DYM: variants seen among roughly 807,000 people sequenced by gnomAD.
DYM encodes the protein dymeclin.
A neutral mutation model predicts 93.1 loss-of-function variants in DYM; 78 were observed. The observed-to-expected ratio is 0.84, with a 90% CI of 0.70 to 1.01. The LOEUF is 1.01. DYM is among the 50% of genes least tolerant of loss of function. The probability of loss-of-function intolerance (pLI) is 0.00; values close to 1 mark genes in which losing one functional copy is unlikely to be tolerated. For synonymous variants in DYM, 321 were observed against 319.7 expected (o/e 1.00, Z -0.04); for missense variants, 789 against 845.0 (o/e 0.93, Z 0.82).
chr18:49,102,684 C>A (rs899828361), intron 16 of DYM, among the ~76,000 whole-genome samples: 2 of 152,034 alleles, frequency 1.3e-5, no homozygotes, highest in African/African-American at 2.4e-5. Context: ...TTTGTCCTTG[C>A]GATAGTTTGC....
At chr18:49,266,228 T>A (rs1378141230) in intron 11 of DYM, among the ~76,000 whole-genome samples, 1 of 152,204 alleles carries the variant, frequency 6.6e-6, no homozygotes, top group Non-Finnish European at 1.5e-5. Flanking sequence ...TCTCTACAGC[T>A]GCAACATGGA....
At chr18:49,084,824 A>G (rs1290554899) in intron 17 of DYM, among the ~76,000 whole-genome samples, 1 of 152,182 alleles carries the variant, frequency 6.6e-6, no homozygotes, top group Non-Finnish European at 1.5e-5. Flanking sequence ...TTCATTTATG[A>G]AAAGGTCAGA....
At chr18:49,098,864 CAT>C (rs1296139333) in intron 16 of DYM, among the ~76,000 whole-genome samples, 1 of 152,148 alleles carries the variant, frequency 6.6e-6, no homozygotes, top group African/African-American at 2.4e-5. Context: ...GATAGCAAAA[CAT>C]ATTGTAATAG....
At chr18:49,093,636 T>C (rs1428641322) in intron 17 of DYM, among the ~76,000 whole-genome samples, 1 of 152,140 alleles carries the variant, frequency 6.6e-6, no homozygotes, top group African/African-American at 2.4e-5. Flanking sequence ...TATTCATATT[T>C]CCACAGGTAG....
intron 4 of DYM, 126 bp downstream of exon 4, chr18:49,379,539 C>T: frequency 1.9e-5 from 16 of 843,060 alleles, no homozygotes; most frequent in Admixed American, 1.7e-4. Flanking sequence ...ACCTTTTTTT[C>T]TTAATAATGA....
intron 17 of DYM, among the ~76,000 whole-genome samples, chr18:49,056,039 T>C (rs2075445594): frequency 6.6e-6 from 1 of 152,220 alleles, no homozygotes; most frequent in East Asian, 1.9e-4. Flanking sequence ...TGAGCCTGGC[T>C]AGGGGAAGTG....
intron 8 of DYM, among the ~76,000 whole-genome samples, chr18:49,293,864 G>C (rs1260068214): frequency 6.6e-6 from 1 of 152,122 alleles, no homozygotes; most frequent in Non-Finnish European, 1.5e-5. Flanking sequence ...CATTGCTTTT[G>C]ATGTTTTAGT....
intron 8 of DYM, among the ~76,000 whole-genome samples, chr18:49,291,345 T>C (rs2060099945): frequency 6.6e-6 from 1 of 152,236 alleles, no homozygotes; most frequent in Non-Finnish European, 1.5e-5. Flanking sequence ...TTGTACTTTT[T>C]ACTGAACACA....
chr18:49,386,142 C>T (rs1009750445), intron 3 of DYM, among the ~76,000 whole-genome samples: 2 of 151,730 alleles, frequency 1.3e-5, no homozygotes, highest in Admixed American at 6.6e-5. Context: ...AAAGAGAGCA[C>T]CTTACAAGCA....
rs139251136 is a variant in DYM at position 49,308,587 on chromosome 18, G to C, written c.764-21971C>G. Among the ~76,000 whole-genome samples, 57 of 152,252 alleles carry C rather than the reference G, an allele frequency of 3.7e-4. No individual in the cohort carries two copies. In the East Asian group the frequency reaches 9.7e-3, roughly 26 times the overall value. ...CCACATTATCAGCTATTTCATGTCT[G>C]TTGCTTTCATTTCCACCCCTCCCAT... is the stretch of plus-strand genomic sequence containing the variant. On this transcript the variant is annotated intron_variant, in intron 8 of 17. Transcript: ENST00000675505.
rs542382606 is a variant in DYM at position 49,279,805 on chromosome 18, A to T, written c.1125+2192T>A. Among the ~76,000 whole-genome samples the T allele has an allele frequency of 3.3e-5, 5 of 152,240 alleles. No individual in the cohort carries two copies. In the East Asian group the frequency reaches 9.6e-4, roughly 29 times the overall value. ...TATAAGCAGCATACTTTCATACTCA[A>T]TTTGCTATTTAAGCAGTGTTTCCCA... On this transcript the variant is annotated intron_variant, in intron 10 of 17. Coordinates refer to ENST00000675505, the MANE Select transcript of DYM (RefSeq NM_001353214.3).
At chr18:49,237,908 T>A (rs2093920345) in intron 13 of DYM, among the ~76,000 whole-genome samples, 1 of 152,114 alleles carries the variant, frequency 6.6e-6, no homozygotes, top group Admixed American at 6.5e-5. Flanking sequence ...TTACTCTTTT[T>A]TTTTTTTTAC....
intron 6 of DYM, among the ~76,000 whole-genome samples, chr18:49,361,619 T>TC (rs1447453094): frequency 6.6e-6 from 1 of 152,232 alleles, no homozygotes; most frequent in East Asian, 1.9e-4. Context: ...AAACAGATAT[T>TC]CAGTGTGTCT....
intron 5 of DYM, among the ~76,000 whole-genome samples, chr18:49,372,835 A>G (rs1599745124): frequency 7.0e-6 from 1 of 141,976 alleles, no homozygotes; most frequent in East Asian, 1.9e-4. Flanking sequence ...TTAAAAAAAA[A>G]GAAAGAAAAG....
chr18:49,405,740 C>G (rs1311286786), intron 2 of DYM, among the ~76,000 whole-genome samples: 1 of 151,932 alleles, frequency 6.6e-6, no homozygotes, highest in African/African-American at 2.4e-5. Flanking sequence ...TATTTTTGAA[C>G]AGTTTTTTCT....
intron 17 of DYM, among the ~76,000 whole-genome samples, chr18:49,084,288 T>C (rs1385560230): frequency 1.3e-5 from 2 of 152,226 alleles, no homozygotes; most frequent in Non-Finnish European, 2.9e-5. Flanking sequence ...TTCTTTTGTT[T>C]ATTTCTAATT....
At chr18:49,363,341 T>C (rs2066210853) in intron 5 of DYM, 108 bp from the exon 6 acceptor site, 2 of 802,472 alleles carry the variant, frequency 2.5e-6, no homozygotes, top group African/African-American at 1.7e-5. Context: ...GTTATCATTA[T>C]ATAAACTCAG....
intron 2 of DYM, among the ~76,000 whole-genome samples, chr18:49,425,380 T>C (rs1330581986): frequency 2.6e-5 from 4 of 152,120 alleles, no homozygotes; most frequent in African/African-American, 9.7e-5. Flanking sequence ...TCACACCTCA[T>C]ACAAAAATTA....
rs780751054 is a variant in DYM at position 49,258,475 on chromosome 18, A to G, written c.1270T>C (p.Trp424Arg). The change falls in exon 12 of 18, where the codon TGG becomes CGG. Residue 424 changes from tryptophan (W) to arginine (R), a missense_variant. Around this residue, in one of 3 missense-constraint regions of DYM, gnomAD observed 225 missense variants for 303.0 expected, o/e 0.74. Coordinates refer to ENST00000675505, the MANE Select transcript of DYM (RefSeq NM_001353214.3). Reference protein sequence around the residue: ...IHEVILKNITWYSERVLTEIS... With the variant: ...IHEVILKNITRYSERVLTEIS... ...TCAGTTAAAACTCGTTCTGAATACC[A>G]AGTAATATTTTTTAGTATCTGTAAT... 6.2e-7 allele frequency: 1 copy of G among 1,609,286 alleles called. No individual in the cohort carries two copies. Among genetic ancestry groups the G allele is most frequent in the Non-Finnish European group, 8.5e-7 (1 of 1,175,714 alleles).
Sources: allele counts gnomAD v4.1 joint callset (sites outside exome capture counted in the v4.1 genomes callset), GRCh38; gene constraint gnomAD v4.1.1; regional missense constraint gnomAD v4.1.1; transcripts MANE v1.5; gene names NCBI Gene and HGNC (gene_info 2026-07-23, HGNC 2026-07-21).